PEPD: variants seen among roughly 807,000 people sequenced by gnomAD.
PEPD encodes the protein xaa-Pro dipeptidase.
PEPD carries 53 observed loss-of-function variants against 60.7 expected under a neutral mutation model. The ratio of observed to expected loss-of-function variants is 0.87; its 90% confidence interval spans 0.70 to 1.10. The LOEUF (loss-of-function observed/expected upper bound fraction) is 1.10, where lower values mean the gene tolerates loss of function less well. Among genes scored for constraint, PEPD ranks in the 50% least tolerant of loss-of-function variants. The pLI, the probability that PEPD is intolerant of heterozygous loss-of-function variation, is 0.00. For synonymous variants in PEPD, 267 were observed against 284.1 expected (o/e 0.94, Z 0.60); for missense variants, 711 against 711.9 (o/e 1.00, Z 0.01).
chr19:33,456,271 T>C (rs73590218), intron 9 of PEPD, among the ~76,000 whole-genome samples: 1,825 of 152,128 alleles, frequency 0.012, 39 homozygotes, highest in African/African-American at 0.041. Flanking sequence ...CACAGCAGGA[T>C]GGACGGGCAC....
rs142505709 is a variant in PEPD at position 33,471,195 on chromosome 19, G to C, written c.548+6851C>G. Among the ~76,000 whole-genome samples the C allele has an allele frequency of 3.3e-4, 50 of 152,224 alleles. 1 individual carries two copies. The East Asian group carries it at 9.1e-3, about 28-fold the overall frequency. ...TTCTCTGATGAAACCAGCCTGGCTG[G>C]GCTTTGGCCTGGCCCAATTGAATCT... is the stretch of plus-strand genomic sequence containing the variant. On this transcript the variant is annotated intron_variant, in intron 7 of 14. Coordinates refer to ENST00000244137, the MANE Select transcript of PEPD (RefSeq NM_000285.4).
intron 7 of PEPD, among the ~76,000 whole-genome samples, chr19:33,475,619 G>A (rs551011606): frequency 2.0e-5 from 3 of 152,136 alleles, no homozygotes; most frequent in Non-Finnish European, 4.4e-5. Flanking sequence ...TGAAAGTGAC[G>A]AATTAATGAC....
At chr19:33,447,969 G>C (rs1420236145) in intron 9 of PEPD, among the ~76,000 whole-genome samples, 1 of 152,216 alleles carries the variant, frequency 6.6e-6, no homozygotes, top group Non-Finnish European at 1.5e-5. Context: ...ATCTAACAGG[G>C]ATGGGGAGGA....
Position 33,478,057 on chromosome 19 carries a change from C to A in PEPD, c.537G>T (p.Glu179Asp). Residue 179 changes from glutamate to aspartate, a missense_variant, in exon 7 of 15, where the codon GAG becomes GAT. Glu to Asp is a conservative substitution (Grantham distance 45). Coordinates refer to ENST00000244137, the MANE Select transcript of PEPD (RefSeq NM_000285.4). Reference protein sequence around the residue: ...FEVNNTILHPEIVECRVFKTD... With the variant: ...FEVNNTILHPDIVECRVFKTD... ...CAGGCCGTACTCACCACTCAACGAT[C>A]TCTGGGTGAAGAATGGTATTGTTGA... 2 of 1,611,316 alleles carry A rather than the reference C, an allele frequency of 1.2e-6. No individual in the cohort carries two copies. The highest frequency in any genetic ancestry group is 2.2e-5 in the South Asian group (2 of 90,604).
chr19:33,462,387 G>A (rs1207646904), intron 9 of PEPD, among the ~76,000 whole-genome samples: 1 of 152,250 alleles, frequency 6.6e-6, no homozygotes, highest in Non-Finnish European at 1.5e-5. Flanking sequence ...GGGAGCCACT[G>A]AGGCAGTTTG....
intron 9 of PEPD, among the ~76,000 whole-genome samples, chr19:33,422,839 C>CTATCTATCTATCTATCTATCTATCT (rs1568463742): frequency 2.8e-4 from 11 of 39,786 alleles, no homozygotes; most frequent in African/African-American, 7.1e-4. Context: ...TCTATCTATC[C>CTATCTATCTATCTATCTATCTATCT]ATCTATCCAT....
At position 33,388,054 on chromosome 19, in the gene PEPD, G is replaced by T. The variant is rs1404263188; in HGVS notation, c.1180C>A (p.Leu394Met). ...TGCCGTGCAGTGCGCAGGCTCCGCA[G>T]GCCGGGCTCGTCGATGCGCTCCACG... The part of the protein sequence containing the change: ...EGVERIDEPG[L>M]RSLRTARHLQ... The change falls in exon 14 of 15, where the codon CTG becomes ATG. Residue 394 changes from leucine to methionine, a missense_variant. Physicochemically the swap from Leu to Met is conservative, Grantham distance 15. Transcript: ENST00000244137. 3 of 1,554,490 alleles carry T rather than the reference G, an allele frequency of 1.9e-6. No homozygotes were observed. The highest frequency in any genetic ancestry group is 2.6e-6 in the Non-Finnish European group (3 of 1,150,012).
chr19:33,490,094 G>A lies in PEPD; in HGVS notation c.442-37C>T, dbSNP rs187949404. ...GAACACAGACATGACACACGGGGCC[G>A]CATGGCGCCCCCACAGCCTGCACCC... On this transcript the variant is annotated intron_variant, in intron 5 of 14. Coordinates refer to ENST00000244137, the MANE Select transcript of PEPD (RefSeq NM_000285.4). The A allele has an allele frequency of 9.6e-5, 143 of 1,487,790 alleles. No homozygotes were observed. The Admixed American group carries it at 1.1e-3, about 11-fold the overall frequency. The allele number at this position is 1,487,790 out of a possible 1,614,324, so 92.2% of individuals were successfully genotyped here.
chr19:33,451,226 A>G (rs79215782), intron 9 of PEPD, among the ~76,000 whole-genome samples: 4,390 of 152,302 alleles, frequency 0.029, 92 homozygotes, highest in Non-Finnish European at 0.046. Context: ...GAAGCCAAGA[A>G]CCCTCGTGGG....
Position 33,489,063 on chromosome 19 carries a change from G to T in PEPD, c.503+933C>A, listed in dbSNP as rs78526148. ...GTCCAGGGACCCAAGCACATCCAGT[G>T]GGCAGGGCTCTCCCGCCCTCTCCAG... On this transcript the variant is annotated intron_variant, in intron 6 of 14. Transcript: ENST00000244137. 8.5e-4 allele frequency among the ~76,000 whole-genome samples: 130 copies of T among 152,204 alleles called. 2 individuals are homozygous for T. The East Asian group carries it at 0.023, about 27-fold the overall frequency.
At position 33,387,931 on chromosome 19, in the gene PEPD, G is replaced by C; in HGVS notation, c.1303C>G (p.Leu435Val). 1.3e-6 allele frequency: 2 copies of C among 1,594,834 alleles called. No individual in the cohort carries two copies. Among genetic ancestry groups the C allele is most frequent in the Non-Finnish European group, 1.7e-6 (2 of 1,171,298 alleles). Residue 435 changes from leucine (L) to valine (V), a missense_variant, in exon 14 of 15, where the codon CTT (leucine) becomes GTT (valine). Physicochemically the swap from Leu to Val is conservative, Grantham distance 32. Transcript: ENST00000244137. Reference sequence around the variant, plus strand: ...AAGCGCTGCAGGACCTCGCGGTTAAGGAAGGAGGCGCGGGCCGGGTCCGCC... The same window carrying C: ...AAGCGCTGCAGGACCTCGCGGTTAACGAAGGAGGCGCGGGCCGGGTCCGCC... Reference protein sequence around the residue: ...ALADPARASFLNREVLQRFRG... With the variant: ...ALADPARASFVNREVLQRFRG...
chr19:33,510,978 C>A, intron 3 of PEPD, 50 bp downstream of exon 3: 1 of 1,592,362 alleles, frequency 6.3e-7, no homozygotes, highest in Non-Finnish European at 8.6e-7. Context: ...CCCTACCCAC[C>A]CCCAGCCCAT....
chr19:33,442,951 C>T (rs868085828), intron 9 of PEPD, among the ~76,000 whole-genome samples: 6 of 152,150 alleles, frequency 3.9e-5, no homozygotes, highest in Admixed American at 2.0e-4. Context: ...TTTCCTCCAC[C>T]GCTGCCTCCC....
chr19:33,468,426 GC>G (rs1970059697), intron 7 of PEPD, among the ~76,000 whole-genome samples: 1 of 152,232 alleles, frequency 6.6e-6, no homozygotes, highest in Non-Finnish European at 1.5e-5. Flanking sequence ...CACCTCTCCT[GC>G]ATCTCCTCTT....
chr19:33,462,504 G>A (rs370461116), intron 9 of PEPD, among the ~76,000 whole-genome samples: 10 of 152,220 alleles, frequency 6.6e-5, no homozygotes, highest in African/African-American at 2.2e-4. Flanking sequence ...CTGGGCAGCC[G>A]CCGGAAGCTC....
At chr19:33,400,852 T>G (rs1406447179) in intron 12 of PEPD, among the ~76,000 whole-genome samples, 2 of 151,806 alleles carry the variant, frequency 1.3e-5, no homozygotes, top group Non-Finnish European at 2.9e-5. Context: ...CTGTGGGTGC[T>G]AGACTCCACC....
At chr19:33,447,601 C>T (rs1372300293) in intron 9 of PEPD, among the ~76,000 whole-genome samples, 2 of 152,206 alleles carry the variant, frequency 1.3e-5, no homozygotes, top group East Asian at 1.9e-4. Context: ...GGCATCTAGG[C>T]CTGTTCAAAA....
intron 7 of PEPD, chr19:33,477,223 C>T (rs1297223513): frequency 2.6e-5 from 4 of 152,560 alleles, no homozygotes; most frequent in Non-Finnish European, 4.4e-5. Context: ...CTTCTTTTTC[C>T]ACAGCCGATG....
chr19:33,465,665 G>C (rs1252045950), intron 7 of PEPD, among the ~76,000 whole-genome samples: 1 of 152,028 alleles, frequency 6.6e-6, no homozygotes, highest in African/African-American at 2.4e-5. Flanking sequence ...TGCCTACTTG[G>C]CTCACAGACT....
Sources: gnomAD v4.1 joint callset for allele counts (sites outside exome capture counted in the v4.1 genomes callset) on GRCh38, gnomAD v4.1.1 for gene constraint, MANE v1.5 for transcripts, NCBI Gene and HGNC (gene_info 2026-07-23, HGNC 2026-07-21) for gene names.